Variants in CNTN4 observed in about 807,000 individuals in gnomAD.
CNTN4 encodes the protein contactin-4.
In CNTN4, 77 loss-of-function variants were observed where a neutral mutation model predicts 122.5. The ratio of observed to expected loss-of-function variants is 0.63; its 90% confidence interval spans 0.52 to 0.76. CNTN4 has a LOEUF of 0.76. Ranked by LOEUF, CNTN4 falls within the 30% of genes least tolerant of loss-of-function variation. CNTN4 has a pLI of 0.00. For synonymous variants in CNTN4, 512 were observed against 447.0 expected, an observed-to-expected ratio of 1.15 and a Z score of -1.83; for missense variants, 1,256 against 1,259.1, an observed-to-expected ratio of 1.00 and a Z score of 0.04.
chr3:2,333,456 G>A (rs747297743), intron 2 of CNTN4, among the ~76,000 whole-genome samples: 8 of 152,302 alleles, frequency 5.3e-5, no homozygotes, highest in African/African-American at 1.7e-4. Context: ...TTCTCACTTC[G>A]TGAGAGCTGT....
chr3:2,793,764 G>T (rs745588846), intron 6 of CNTN4, among the ~76,000 whole-genome samples: 6 of 152,104 alleles, frequency 3.9e-5, no homozygotes, highest in Non-Finnish European at 8.8e-5. Flanking sequence ...ACCATTTCTT[G>T]CCTTGATTAC....
rs148134508 is a variant in CNTN4, at chr3:2,988,385, G to A, written c.1399G>A (p.Val467Ile). ...AGATGGAAACCTCAGAATCATCAAC[G>A]TTACTAAATCAGACGCTGGGAGTTA... Reference protein sequence around the residue: ...SEDGNLRIINVTKSDAGSYTC... With the variant: ...SEDGNLRIINITKSDAGSYTC... Residue 467 changes from valine to isoleucine, a missense_variant, in exon 14 of 25, where the codon GTT becomes ATT. Physicochemically the swap from Val to Ile is conservative, Grantham distance 29. Coordinates refer to ENST00000418658, the MANE Select transcript of CNTN4 (RefSeq NM_175607.3). 5.8e-5 allele frequency: 94 copies of A among 1,613,668 alleles called. No individual in the cohort carries two copies. The African/African-American group carries it at 7.2e-4, about 12-fold the overall frequency.
At chr3:2,871,138 C>G (rs1435035350) in intron 8 of CNTN4, among the ~76,000 whole-genome samples, 1 of 152,160 alleles carries the variant, frequency 6.6e-6, no homozygotes, top group African/African-American at 2.4e-5. Flanking sequence ...TTCAGCCCCA[C>G]CATTTATTAG....
chr3:2,360,052 C>G (rs17194322), intron 3 of CNTN4, among the ~76,000 whole-genome samples: 1 of 152,184 alleles, frequency 6.6e-6, no homozygotes, highest in East Asian at 1.9e-4. Context: ...TCTGCCAGAT[C>G]TTCTCATAAG....
chr3:2,562,065 A>G lies in CNTN4; in HGVS notation c.-88-9351A>G, dbSNP rs547640181. On this transcript the variant is annotated intron_variant, in intron 3 of 24. Coordinates refer to ENST00000418658, the MANE Select transcript of CNTN4 (RefSeq NM_175607.3). ...AACACGGGAATGACATTCTAAAGGA[A>G]GGATGAAGTATCTGAGGGGCAATCT... Among the ~76,000 whole-genome samples, 34 of 152,282 alleles carry G rather than the reference A, an allele frequency of 2.2e-4. No individual in the cohort carries two copies. In the South Asian group the frequency reaches 7.0e-3, roughly 32 times the overall value.
At chr3:2,980,363 TA>T (rs1693844810) in intron 13 of CNTN4, among the ~76,000 whole-genome samples, 1 of 128,880 alleles carries the variant, frequency 7.8e-6, no homozygotes, top group African/African-American at 4.3e-5. Flanking sequence ...GGGCCACAGG[TA>T]GGTCAGGACT....
chr3:2,343,696 C>G (rs2044292239), intron 3 of CNTN4, among the ~76,000 whole-genome samples: 1 of 152,206 alleles, frequency 6.6e-6, no homozygotes, highest in South Asian at 2.1e-4. Flanking sequence ...TTGTCCTATT[C>G]TTTGTTCAAA....
At position 2,136,515 on chromosome 3, in the gene CNTN4, CTTGT is replaced by C. The variant is rs2034700450; in HGVS notation, c.-145+35885_-145+35888del. Among the ~76,000 whole-genome samples, 6 of 152,144 alleles carry C rather than the reference CTTGT, an allele frequency of 3.9e-5. No homozygotes were observed. In the South Asian group the frequency reaches 1.0e-3, roughly 26 times the overall value. On this transcript the variant is annotated intron_variant, in intron 2 of 24. Transcript: ENST00000418658. ...TATATATTGGTGATATTCTTCCATT[CTTGT>C]TTGTTTGTGTTTTGGAGAGTTTGAC...
At position 2,147,020 on chromosome 3, in the gene CNTN4, A is replaced by G. The variant is rs139483245; in HGVS notation, c.-145+46381A>G. On this transcript the variant is annotated intron_variant, in intron 2 of 24. Coordinates refer to ENST00000418658, the MANE Select transcript of CNTN4 (RefSeq NM_175607.3). ...CTCAGCCTCCCGAGTAGCTGGAACTATAGGCACTCACCACCATGCCCAGCT... is the reference window on the plus strand; with the variant it reads ...CTCAGCCTCCCGAGTAGCTGGAACTGTAGGCACTCACCACCATGCCCAGCT... Among the ~76,000 whole-genome samples, 751 of 152,160 alleles carry G rather than the reference A, an allele frequency of 4.9e-3. 6 individuals carry two copies. The highest frequency in any genetic ancestry group is 0.017 in the African/African-American group (707 of 41,516).
At chr3:3,047,489 A>T (rs1188178303) in intron 23 of CNTN4, among the ~76,000 whole-genome samples, 4 of 151,160 alleles carry the variant, frequency 2.6e-5, no homozygotes, top group Non-Finnish European at 4.4e-5. Context: ...AAAACCGCTC[A>T]ACTACATGGC....
At chr3:2,205,438 G>C (rs564265425) in intron 2 of CNTN4, among the ~76,000 whole-genome samples, 1 of 151,524 alleles carries the variant, frequency 6.6e-6, no homozygotes, top group South Asian at 2.1e-4. Flanking sequence ...TATTTTGGGA[G>C]TCAGGTGGTT....
chr3:2,180,045 C>T (rs1375038818), intron 2 of CNTN4, among the ~76,000 whole-genome samples: 1 of 151,304 alleles, frequency 6.6e-6, no homozygotes, highest in Non-Finnish European at 1.5e-5. Context: ...CCATAGGTAG[C>T]TTATGGCTGC....
chr3:2,912,950 G>C (rs2151243165), intron 12 of CNTN4, among the ~76,000 whole-genome samples: 1 of 152,306 alleles, frequency 6.6e-6, no homozygotes, highest in East Asian at 1.9e-4. Context: ...CCAGGAGTTT[G>C]AGACCAGCCT....
chr3:2,790,668 G>A (rs2091980278), intron 6 of CNTN4, among the ~76,000 whole-genome samples: 1 of 152,142 alleles, frequency 6.6e-6, no homozygotes, highest in Admixed American at 6.6e-5. Flanking sequence ...TTATCCAACT[G>A]CTTTGGTTGT....
chr3:2,517,741 A>T (rs76828621), intron 3 of CNTN4, among the ~76,000 whole-genome samples: 1 of 152,160 alleles, frequency 6.6e-6, no homozygotes, highest in Non-Finnish European at 1.5e-5. Context: ...GTTAGAATTC[A>T]TTGTATATGT....
At chr3:2,640,936 C>T (rs1297601729) in intron 4 of CNTN4, among the ~76,000 whole-genome samples, 1 of 151,898 alleles carries the variant, frequency 6.6e-6, no homozygotes, top group Admixed American at 6.6e-5. Flanking sequence ...GAGTGCTGGA[C>T]AGAGGATAAG....
chr3:2,408,575 T>C (rs922474034), intron 3 of CNTN4, among the ~76,000 whole-genome samples: 6 of 152,188 alleles, frequency 3.9e-5, no homozygotes, highest in Non-Finnish European at 5.9e-5. Flanking sequence ...TTTTTGGGCA[T>C]GTGATTCATT....
At chr3:2,298,251 C>T (rs1251387453) in intron 2 of CNTN4, among the ~76,000 whole-genome samples, 3 of 152,170 alleles carry the variant, frequency 2.0e-5, no homozygotes, top group South Asian at 2.1e-4. Flanking sequence ...AGGTTCTTGT[C>T]GTCTTGTCAG....
chr3:2,833,439 T>C (rs1348170901), intron 7 of CNTN4, among the ~76,000 whole-genome samples: 1 of 137,760 alleles, frequency 7.3e-6, no homozygotes, highest in Non-Finnish European at 1.5e-5. Flanking sequence ...GTAGTAAAGT[T>C]CCAACCCATA....
Sources: allele counts gnomAD v4.1 joint callset (sites outside exome capture counted in the v4.1 genomes callset), GRCh38; gene constraint gnomAD v4.1.1; transcripts MANE v1.5; gene names NCBI Gene and HGNC (gene_info 2026-07-23, HGNC 2026-07-21).